CCDC170: variants seen among roughly 807,000 people sequenced by gnomAD.
CCDC170 encodes coiled-coil domain-containing protein 170.
Under a neutral mutation model 72.6 loss-of-function variants are expected in CCDC170, and 69 were observed. The ratio of observed to expected loss-of-function variants is 0.95; its 90% CI spans 0.78 to 1.16. CCDC170 has a LOEUF of 1.16. CCDC170 is among the 50% of genes most tolerant of loss of function. The pLI is 0.00. For missense variants in CCDC170, 852 were observed against 832.5 expected (o/e 1.02, Z -0.29); for synonymous variants, 300 against 303.9 (o/e 0.99, Z 0.13).
chr6:151,518,012 G>A lies in CCDC170; in HGVS notation c.58-18306G>A, dbSNP rs1027583330. Among the ~76,000 whole-genome samples the A allele has an allele frequency of 1.3e-4, 19 of 151,622 alleles. No homozygotes were observed. The East Asian group carries it at 3.7e-3, about 29-fold the overall frequency. ...AATTAAAGGAATTCTCAAAAATCCA[G>A]GCCTTTTGCAAACAGTAAAGATTAT... On this transcript the variant is annotated intron_variant, in intron 1 of 10. Coordinates refer to ENST00000239374, the MANE Select transcript of CCDC170 (RefSeq NM_025059.4).
intron 5 of CCDC170, among the ~76,000 whole-genome samples, chr6:151,571,361 G>A (rs1375716414): frequency 6.6e-6 from 1 of 151,274 alleles, no homozygotes; most frequent in Non-Finnish European, 1.5e-5. Context: ...CAATACTACA[G>A]CCATGCTAGT....
At chr6:151,580,471 C>T (rs1776365198) in intron 6 of CCDC170, among the ~76,000 whole-genome samples, 2 of 152,000 alleles carry the variant, frequency 1.3e-5, no homozygotes, top group Non-Finnish European at 2.9e-5. Flanking sequence ...TCAGATTTAT[C>T]TGCTATATTA....
chr6:151,520,592 A>G (rs1053241338), intron 1 of CCDC170, among the ~76,000 whole-genome samples: 3 of 152,366 alleles, frequency 2.0e-5, no homozygotes, highest in Admixed American at 2.0e-4. Flanking sequence ...ATTAGCCACA[A>G]GATTAGAAAT....
intron 1 of CCDC170, among the ~76,000 whole-genome samples, chr6:151,502,728 G>A (rs1489168476): frequency 6.6e-6 from 1 of 152,178 alleles, no homozygotes; most frequent in African/African-American, 2.4e-5. Context: ...ATCATACATT[G>A]TATTAGTCAC....
chr6:151,604,662 C>T (rs963115781), intron 9 of CCDC170, among the ~76,000 whole-genome samples: 7 of 152,090 alleles, frequency 4.6e-5, no homozygotes, highest in Non-Finnish European at 1.0e-4. Context: ...CGTGCTCTTA[C>T]GGTAGGGAAG....
At chr6:151,539,052 A>G (rs912993920) in intron 3 of CCDC170, among the ~76,000 whole-genome samples, 3 of 152,142 alleles carry the variant, frequency 2.0e-5, no homozygotes, top group African/African-American at 7.2e-5. Flanking sequence ...ACTTGAGGTC[A>G]GGAGTTTGAG....
chr6:151,540,002 T>C (rs953182421), intron 3 of CCDC170, among the ~76,000 whole-genome samples: 1 of 152,168 alleles, frequency 6.6e-6, no homozygotes, highest in African/African-American at 2.4e-5. Context: ...ATCACCTTTA[T>C]TGTCACTAAC....
intron 1 of CCDC170, among the ~76,000 whole-genome samples, chr6:151,529,560 G>A (rs1156752027): frequency 6.6e-6 from 1 of 152,180 alleles, no homozygotes; most frequent in Non-Finnish European, 1.5e-5. Flanking sequence ...GGGAGGCTGA[G>A]GCAGGAGAAT....
chr6:151,593,453 C>T (rs1776575018), intron 8 of CCDC170, among the ~76,000 whole-genome samples, 173 bp downstream of exon 8: 1 of 151,266 alleles, frequency 6.6e-6, no homozygotes, highest in African/African-American at 2.4e-5. Flanking sequence ...GTAAGTGTAT[C>T]TGTCACCTAA....
At chr6:151,505,315 T>G (rs1782050770) in intron 1 of CCDC170, among the ~76,000 whole-genome samples, 1 of 152,132 alleles carries the variant, frequency 6.6e-6, no homozygotes, top group Admixed American at 6.5e-5. Context: ...CCCTTTCCCC[T>G]GTGTTGGTGG....
chr6:151,586,012 G>T lies in CCDC170; in HGVS notation c.1216G>T (p.Gly406Cys). The change falls in exon 7 of 11, where the codon GGT becomes TGT. Residue 406 changes from glycine to cysteine, a missense_variant. Coordinates refer to ENST00000239374, the MANE Select transcript of CCDC170 (RefSeq NM_025059.4). ...AGAGAATATGTTGGAGACTCTTCAG[G>T]GTCAGCTGACACACCTGGAGGCAGA... The part of the protein sequence containing the change: ...KAENMLETLQ[G>C]QLTHLEAELV... 1 of 1,614,100 alleles carries T rather than the reference G, an allele frequency of 6.2e-7. No homozygotes were observed. The highest frequency in any genetic ancestry group is 1.1e-5 in the South Asian group (1 of 91,080).
At chr6:151,546,180 A>G (rs995034455) in intron 4 of CCDC170, among the ~76,000 whole-genome samples, 1 of 152,186 alleles carries the variant, frequency 6.6e-6, no homozygotes, top group African/African-American at 2.4e-5. Context: ...GACTTTGGGA[A>G]GTATTCCACT....
rs1263778761 is a variant in CCDC170 at position 151,571,042 on chromosome 6, A to G, written c.775-2132A>G. 2.0e-5 allele frequency among the ~76,000 whole-genome samples: 3 copies of G among 152,218 alleles called. No individual in the cohort carries two copies. In the East Asian group the frequency reaches 5.8e-4, roughly 29 times the overall value. ...GACTTTTCTTTCAAATTGATGCCTG[A>G]GACTTCCTTGATTTTAAAAAAGTCA... On this transcript the variant is annotated intron_variant, in intron 5 of 10. Transcript: ENST00000239374.
At chr6:151,608,721 C>T (rs1435272521) in intron 9 of CCDC170, among the ~76,000 whole-genome samples, 2 of 152,130 alleles carry the variant, frequency 1.3e-5, no homozygotes, top group Non-Finnish European at 2.9e-5. Context: ...GGTGGTCCCA[C>T]CACTGGAAGT....
chr6:151,581,726 A>G (rs764077876), intron 6 of CCDC170, among the ~76,000 whole-genome samples: 7 of 152,232 alleles, frequency 4.6e-5, no homozygotes, highest in African/African-American at 1.2e-4. Flanking sequence ...TTCTTACATA[A>G]TAAGACTTTA....
chr6:151,543,770 G>C (rs1000600986), intron 3 of CCDC170, among the ~76,000 whole-genome samples: 1 of 151,992 alleles, frequency 6.6e-6, no homozygotes, highest in Admixed American at 6.5e-5. Flanking sequence ...TATCCTCCAG[G>C]TTCATCCATA....
At chr6:151,542,337 T>C (rs150986691) in intron 3 of CCDC170, among the ~76,000 whole-genome samples, 1,860 of 152,276 alleles carry the variant, frequency 0.012, 40 homozygotes, top group African/African-American at 0.042. Flanking sequence ...CCTCCCACCT[T>C]AGCCTCTTTT....
chr6:151,591,942 A>T (rs1217643511), intron 7 of CCDC170, among the ~76,000 whole-genome samples: 8 of 144,062 alleles, frequency 5.6e-5, no homozygotes. Flanking sequence ...GCAACTGGCT[A>T]AGTTGCCAGT....
chr6:151,615,308 CTGTT>C (rs1347768759), intron 9 of CCDC170, 131 bp from the exon 10 acceptor site: 2 of 709,660 alleles, frequency 2.8e-6, no homozygotes, highest in South Asian at 1.8e-5. Flanking sequence ...AAATCTCTAA[CTGTT>C]TGGGATGAAC....
Sources: allele counts gnomAD v4.1 joint callset (sites outside exome capture counted in the v4.1 genomes callset), GRCh38; gene constraint gnomAD v4.1.1; transcripts MANE v1.5; gene names NCBI Gene and HGNC (gene_info 2026-07-23, HGNC 2026-07-21).